PCDH11X: variants seen among roughly 807,000 people sequenced by gnomAD.
PCDH11X encodes protocadherin-11 X-linked.
PCDH11X carries 18 observed loss-of-function variants against 53.3 expected under a neutral mutation model. The ratio of observed to expected loss-of-function variants is 0.34; its 90% CI spans 0.23 to 0.50. The LOEUF (loss-of-function observed/expected upper bound fraction) is 0.50. Among genes scored for constraint, PCDH11X ranks in the 20% least tolerant of loss-of-function variants. PCDH11X has a pLI of 0.98. For missense variants in PCDH11X, 570 were observed against 1,032.4 expected (o/e 0.55, Z 6.14); for synonymous variants, 279 against 393.3 (o/e 0.71, Z 3.44).
At position 92,467,772 on chromosome X, in the gene PCDH11X, A is replaced by T. The variant is rs1416694036; in HGVS notation, c.3344-527A>T. Among the ~76,000 whole-genome samples, 4 of 111,749 alleles carry T rather than the reference A, an allele frequency of 3.6e-5. No homozygotes were observed. The East Asian group carries it at 1.1e-3, about 31-fold the overall frequency. On this transcript the variant is annotated intron_variant, in intron 9 of 10. Coordinates refer to ENST00000682573, the MANE Select transcript of PCDH11X (RefSeq NM_032968.5). ...TATAGAAAAAGTTTCTTAAACCATG[A>T]TAAGAATAATTCTACTGGGCCATTC... is the stretch of plus-strand genomic sequence containing the variant.
intron 10 of PCDH11X, among the ~76,000 whole-genome samples, chrX:92,584,789 CTTTTTT>C (rs1171667582): frequency 6.1e-5 from 4 of 65,111 alleles, no homozygotes; most frequent in African/African-American, 2.1e-4. Context: ...TCTTTTTTTC[CTTTTTT>C]TTTTTTTTTT....
intron 8 of PCDH11X, among the ~76,000 whole-genome samples, chrX:92,339,481 TG>T (rs1362752476): frequency 2.7e-5 from 3 of 111,401 alleles, no homozygotes; most frequent in Non-Finnish European, 3.8e-5. Context: ...AATTGGCTTA[TG>T]GTTCCTCTGG....
rs1939712914 is a variant in PCDH11X, at chrX:91,878,157, C to T, written c.1917C>T (p.Tyr639=). Residue 639 remains tyrosine (Y), a synonymous_variant, in exon 6 of 11, where the codon TAC becomes TAT. Coordinates refer to ENST00000682573, the MANE Select transcript of PCDH11X (RefSeq NM_032968.5). The part of the protein sequence containing the change: ...ISFDREKQES[Y]TFYVKAEDGG... Reference sequence around the variant, plus strand: ...TTGATAGAGAAAAACAAGAATCTTACACTTTCTATGTAAAGGCTGAGGATG... The same window carrying T: ...TTGATAGAGAAAAACAAGAATCTTATACTTTCTATGTAAAGGCTGAGGATG... 2 of 1,205,585 alleles carry T rather than the reference C, an allele frequency of 1.7e-6. No homozygotes were observed. The highest frequency in any genetic ancestry group is 4.4e-5 in the Admixed American group (2 of 45,570).
At chrX:92,606,350 T>C (rs1319073587) in intron 10 of PCDH11X, among the ~76,000 whole-genome samples, 1 of 110,309 alleles carries the variant, frequency 9.1e-6, no homozygotes, top group Non-Finnish European at 1.9e-5. Context: ...CTAAGCCTTT[T>C]CCATTTTAAA....
intron 8 of PCDH11X, among the ~76,000 whole-genome samples, chrX:92,321,082 C>T (rs1259293704): frequency 1.8e-5 from 2 of 108,938 alleles, no homozygotes; most frequent in Admixed American, 9.9e-5. Context: ...GGCTTCTTAT[C>T]AGGAGAAAGT....
chrX:92,217,916 A>G (rs1226516759), intron 7 of PCDH11X, among the ~76,000 whole-genome samples: 3 of 109,764 alleles, frequency 2.7e-5, no homozygotes, highest in Non-Finnish European at 3.8e-5. Context: ...AAACCGCTCA[A>G]CTACATGGAA....
chrX:92,387,167 T>C (rs1469340369), intron 8 of PCDH11X, among the ~76,000 whole-genome samples: 2 of 110,405 alleles, frequency 1.8e-5, no homozygotes, highest in Non-Finnish European at 3.8e-5. Context: ...CCATATTATG[T>C]AATTACCTTT....
intron 9 of PCDH11X, among the ~76,000 whole-genome samples, chrX:92,417,820 A>ATTTTTTTT (rs61034265): frequency 1.5e-5 from 1 of 67,541 alleles, no homozygotes; most frequent in Non-Finnish European, 2.6e-5. Context: ...CTTTTCTTCC[A>ATTTTTTTT]TTTTTTTTTT....
At chrX:92,446,020 C>T (rs2072633630) in intron 9 of PCDH11X, among the ~76,000 whole-genome samples, 1 of 109,790 alleles carries the variant, frequency 9.1e-6, no homozygotes, top group Non-Finnish European at 1.9e-5. Flanking sequence ...TTAATTTAAC[C>T]TCATATTATT....
intron 6 of PCDH11X, among the ~76,000 whole-genome samples, chrX:92,008,820 T>C (rs969151972): frequency 1.8e-5 from 2 of 110,801 alleles, no homozygotes; most frequent in African/African-American, 6.6e-5. Flanking sequence ...TACTTATGAG[T>C]GACACAAACT....
chrX:91,853,566 T>C (rs1938156287), intron 5 of PCDH11X, among the ~76,000 whole-genome samples: 1 of 109,440 alleles, frequency 9.1e-6, no homozygotes, highest in Non-Finnish European at 1.9e-5. Context: ...ATTTCATAGT[T>C]ATGTAAGAAT....
chrX:92,156,124 T>C (rs1347236982), intron 6 of PCDH11X, among the ~76,000 whole-genome samples: 3 of 108,190 alleles, frequency 2.8e-5, no homozygotes, highest in Non-Finnish European at 5.7e-5. Flanking sequence ...CCCTGTGACA[T>C]TTTTTATGAC....
chrX:92,039,294 C>G (rs1157987895), intron 6 of PCDH11X, among the ~76,000 whole-genome samples: 6 of 111,964 alleles, frequency 5.4e-5, no homozygotes, highest in Non-Finnish European at 9.4e-5. Context: ...GTGACCTCTT[C>G]TTCAGGGCAG....
intron 9 of PCDH11X, among the ~76,000 whole-genome samples, chrX:92,411,964 GAGGA>G (rs1569482797): frequency 1.9e-3 from 74 of 39,389 alleles, no homozygotes; most frequent in East Asian, 3.4e-3. Context: ...GGAGGAGGAG[GAGGA>G]GGGAAGAAGA....
chrX:92,003,113 C>A (rs901261755), intron 6 of PCDH11X, among the ~76,000 whole-genome samples: 2 of 104,341 alleles, frequency 1.9e-5, no homozygotes, highest in African/African-American at 6.9e-5. Context: ...ATGTTGAATT[C>A]TATCAAATGG....
Position 91,950,300 on chromosome X carries a change from T to C in PCDH11X, c.3033+71027T>C, listed in dbSNP as rs1362487084. Reference sequence around the variant, plus strand: ...GGTAGTTTTTAATCCCTCATCTCCCTCTCACCCTCTCTTCTTCTGAGTCTC... The same window carrying C: ...GGTAGTTTTTAATCCCTCATCTCCCCCTCACCCTCTCTTCTTCTGAGTCTC... On this transcript the variant is annotated intron_variant, in intron 6 of 10. Coordinates refer to ENST00000682573, the MANE Select transcript of PCDH11X (RefSeq NM_032968.5). 4.7e-5 allele frequency among the ~76,000 whole-genome samples: 5 copies of C among 105,926 alleles called. No homozygotes were observed. The East Asian group carries it at 8.9e-4, about 19-fold the overall frequency. 92.0% of individuals were successfully genotyped at this position (105,926 alleles called of 115,157 possible). A position where few individuals can be genotyped will look rare whatever the true frequency, so the allele number is the denominator to read the frequency against.
intron 7 of PCDH11X, among the ~76,000 whole-genome samples, chrX:92,235,271 G>A (rs1011760741): frequency 1.1e-4 from 12 of 110,873 alleles, no homozygotes; most frequent in Non-Finnish European, 2.3e-4. Flanking sequence ...TGAGATTCCC[G>A]GAGGCTTTGC....
chrX:92,596,401 A>G, intron 10 of PCDH11X, among the ~76,000 whole-genome samples: 1 of 107,354 alleles, frequency 9.3e-6, no homozygotes, highest in East Asian at 2.9e-4. Flanking sequence ...TGCAAAAAAT[A>G]TATCAGTGAG....
rs758543207 is a variant in PCDH11X at position 92,101,365 on chromosome X, C to T, written c.3034-100010C>T. On this transcript the variant is annotated intron_variant, in intron 6 of 10. Transcript: ENST00000682573. ...AAATGGGCTGTACCTTGTAGCATTC[C>T]GAGGACAGGCCTGAATTCTGAGAAG... is the stretch of plus-strand genomic sequence containing the variant. Among the ~76,000 whole-genome samples the T allele has an allele frequency of 6.3e-5, 7 of 111,501 alleles. No individual in the cohort carries two copies. The South Asian group carries it at 1.1e-3, about 18-fold the overall frequency.
Sources: gnomAD v4.1 joint callset for allele counts (sites outside exome capture counted in the v4.1 genomes callset) on GRCh38, gnomAD v4.1.1 for gene constraint, MANE v1.5 for transcripts, NCBI Gene and HGNC (gene_info 2026-07-23, HGNC 2026-07-21) for gene names.